C16orf78: variants seen among roughly 807,000 people sequenced by gnomAD.
C16orf78 encodes chromosome 16 open reading frame 78, also known as uncharacterized protein C16orf78.
C16orf78 carries 19 observed loss-of-function variants against 27.3 expected under a neutral mutation model. The observed-to-expected ratio is 0.70, with a 90% CI of 0.49 to 1.02. C16orf78 has a LOEUF of 1.02. Ranked by LOEUF, C16orf78 falls within the 50% of genes least tolerant of loss-of-function variation. The pLI is 0.00. For synonymous variants in C16orf78, 130 were observed against 116.1 expected (o/e 1.12, Z -0.77); for missense variants, 339 against 337.0 (o/e 1.01, Z -0.05).
intron 3 of C16orf78, among the ~76,000 whole-genome samples, chr16:49,384,062 A>G (rs1177119788): frequency 6.6e-6 from 1 of 152,118 alleles, no homozygotes; most frequent in Non-Finnish European, 1.5e-5. Flanking sequence ...TTAAAAGCCA[A>G]AAAAGGCCAG....
At chr16:49,386,739 G>A (rs1224894309) in intron 3 of C16orf78, among the ~76,000 whole-genome samples, 1 of 152,078 alleles carries the variant, frequency 6.6e-6, no homozygotes, top group East Asian at 1.9e-4. Flanking sequence ...AAGGATAATG[G>A]CCTCCTGCTC....
At chr16:49,379,367 G>A (rs1179776642) in intron 3 of C16orf78, among the ~76,000 whole-genome samples, 1 of 151,810 alleles carries the variant, frequency 6.6e-6, no homozygotes, top group Non-Finnish European at 1.5e-5. Flanking sequence ...GGACAAAGGT[G>A]TAGGGTAAAA....
rs1372181529 is a variant in C16orf78 at position 49,399,418 on chromosome 16, C to T, written c.*140C>T. 2.9e-6 allele frequency: 3 copies of T among 1,022,450 alleles called. No homozygotes were observed. The highest frequency in any genetic ancestry group is 2.6e-5 in the East Asian group (1 of 39,186). The allele number at this position is 1,022,450 out of a possible 1,614,324, so 63.3% of individuals were successfully genotyped here. ...AAGTAAGCAATCAGAAAACAAGCCT[C>T]GGCTGTGTGATCATTGTGCTTCCGT... On this transcript the variant is annotated 3_prime_UTR_variant, in exon 5 of 5. Transcript: ENST00000299191.
In C16orf78 at chr16:49,378,556, C is replaced by A; in HGVS notation, c.357C>A (p.Val119=). The A allele has an allele frequency of 1.9e-6, 3 of 1,613,828 alleles. No homozygotes were observed. The highest frequency in any genetic ancestry group is 2.5e-6 in the Non-Finnish European group (3 of 1,179,906). Residue 119 remains valine (V), a synonymous_variant, in exon 3 of 5, where the codon GTC becomes GTA. Transcript: ENST00000299191. ...VEQKGKHLSM[V]PGSYIKDGPK... ...AAAAGGGGAAACACCTCAGCATGGT[C>A]CCTGGCAGCTACATCAAGGATGGCC...
At position 49,377,800 on chromosome 16, in the gene C16orf78, C is replaced by T; in HGVS notation, c.220C>T (p.Leu74Phe). The T allele has an allele frequency of 6.3e-7, 1 of 1,593,556 alleles. No individual in the cohort carries two copies. Among genetic ancestry groups the T allele is most frequent in the Non-Finnish European group, 8.6e-7 (1 of 1,169,322 alleles). The change falls in exon 2 of 5, where the codon CTC becomes TTC. Residue 74 changes from leucine to phenylalanine, a missense_variant. Coordinates refer to ENST00000299191, the MANE Select transcript of C16orf78 (RefSeq NM_144602.4). ...GAAGGAAGAGAAGAAAGGCAAAGGC[C>T]TCATGACAGCACGGGGAGGGAACCG... ...KKKEEKKGKGLMTARGGNRRD... is the reference protein window; with the variant it reads ...KKKEEKKGKGFMTARGGNRRD...
Position 49,388,997 on chromosome 16 carries a change from C to T in C16orf78, c.395-7426C>T, listed in dbSNP as rs149390922. Among the ~76,000 whole-genome samples the T allele has an allele frequency of 3.0e-3, 460 of 152,284 alleles. 10 individuals carry two copies. The East Asian group carries it at 0.037, about 12-fold the overall frequency. ...AAATCTAAAAATATGTGGAAATTAA[C>T]ACATATCTTCACGTGCGTTTCTAAC... On this transcript the variant is annotated intron_variant, in intron 3 of 4. Coordinates refer to ENST00000299191, the MANE Select transcript of C16orf78 (RefSeq NM_144602.4).
At chr16:49,376,419 G>A (rs1965219169) in intron 1 of C16orf78, among the ~76,000 whole-genome samples, 2 of 152,204 alleles carry the variant, frequency 1.3e-5, no homozygotes, top group South Asian at 4.1e-4. Context: ...CTACTCAGGT[G>A]ACTCTTTGAG....
At chr16:49,397,733 A>G (rs1299576712) in intron 4 of C16orf78, among the ~76,000 whole-genome samples, 4 of 152,214 alleles carry the variant, frequency 2.6e-5, no homozygotes, top group African/African-American at 9.7e-5. Flanking sequence ...GCCATTCAAG[A>G]AACATCCAAG....
intron 3 of C16orf78, among the ~76,000 whole-genome samples, chr16:49,387,984 T>C (rs1430063778): frequency 1.3e-5 from 2 of 152,142 alleles, no homozygotes; most frequent in East Asian, 3.8e-4. Context: ...TTTGTTTTAT[T>C]AATTCTTTCA....
At chr16:49,385,490 C>T (rs1278838649) in intron 3 of C16orf78, among the ~76,000 whole-genome samples, 1 of 151,966 alleles carries the variant, frequency 6.6e-6, no homozygotes, top group Non-Finnish European at 1.5e-5. Flanking sequence ...GGTGAAACCT[C>T]GTCTCTACTA....
At chr16:49,379,858 C>T (rs1965266430) in intron 3 of C16orf78, among the ~76,000 whole-genome samples, 1 of 152,118 alleles carries the variant, frequency 6.6e-6, no homozygotes, top group South Asian at 2.1e-4. Flanking sequence ...AGTATTGTTC[C>T]TAGGTGTGTC....
chr16:49,395,291 G>C (rs1216942781), intron 3 of C16orf78, among the ~76,000 whole-genome samples: 1 of 152,126 alleles, frequency 6.6e-6, no homozygotes, highest in East Asian at 1.9e-4. Context: ...CCATCCTCCT[G>C]AGTAAAAATA....
intron 3 of C16orf78, among the ~76,000 whole-genome samples, chr16:49,385,282 T>C (rs10153228): frequency 0.038 from 5,762 of 152,266 alleles, 374 homozygotes; most frequent in African/African-American, 0.13. Context: ...TATTGTTTTA[T>C]CAATAACCTA....
At chr16:49,378,336 G>C (rs538050788) in intron 2 of C16orf78, 134 bp from the exon 3 acceptor site, 56 of 1,323,298 alleles carry the variant, frequency 4.2e-5, no homozygotes, top group Non-Finnish European at 5.6e-5. Context: ...CCCAGGGCCC[G>C]GGGAAGCTCT....
chr16:49,386,752 T>C (rs149974782), intron 3 of C16orf78, among the ~76,000 whole-genome samples: 470 of 152,332 alleles, frequency 3.1e-3, no homozygotes, highest in Non-Finnish European at 5.5e-3. Context: ...TCCTGCTCCA[T>C]CCATGTTCTT....
At position 49,396,640 on chromosome 16, in the gene C16orf78, C is replaced by T; in HGVS notation, c.612C>T (p.Thr204=). ...MEKSTEPKME[T]MRMLKPEEVL... ...AAAGCACCGAACCTAAGATGGAAACCATGAGGATGTTGAAGCCAGAGGAGG... is the reference window on the plus strand; with the variant it reads ...AAAGCACCGAACCTAAGATGGAAACTATGAGGATGTTGAAGCCAGAGGAGG... Residue 204 remains threonine (T), a synonymous_variant, in exon 4 of 5, where the codon ACC becomes ACT. Coordinates refer to ENST00000299191, the MANE Select transcript of C16orf78 (RefSeq NM_144602.4). 1 of 1,612,326 alleles carries T rather than the reference C, an allele frequency of 6.2e-7. No homozygotes were observed. The highest frequency in any genetic ancestry group is 8.5e-7 in the Non-Finnish European group (1 of 1,180,024).
At chr16:49,392,050 C>G (rs986477472) in intron 3 of C16orf78, among the ~76,000 whole-genome samples, 3 of 152,172 alleles carry the variant, frequency 2.0e-5, no homozygotes, top group African/African-American at 7.2e-5. Flanking sequence ...ACACCTCAGG[C>G]CACTGTCTCT....
intron 3 of C16orf78, among the ~76,000 whole-genome samples, chr16:49,381,105 T>C (rs1965281013): frequency 6.6e-6 from 1 of 152,192 alleles, no homozygotes; most frequent in Non-Finnish European, 1.5e-5. Flanking sequence ...AGGATTGACT[T>C]GGCGATGCGA....
chr16:49,398,286 T>C (rs570187980), intron 4 of C16orf78, among the ~76,000 whole-genome samples: 2 of 152,258 alleles, frequency 1.3e-5, no homozygotes, highest in South Asian at 4.2e-4. Flanking sequence ...TGTGGCAAAG[T>C]AAGCAACCAG....
Sources: gnomAD v4.1 joint callset for allele counts (sites outside exome capture counted in the v4.1 genomes callset) on GRCh38, gnomAD v4.1.1 for gene constraint, MANE v1.5 for transcripts, NCBI Gene and HGNC (gene_info 2026-07-23, HGNC 2026-07-21) for gene names.